Variants in PACS2 observed in about 807,000 individuals in gnomAD.
The protein encoded by PACS2 is phosphofurin acidic cluster sorting protein 2, also known as PACS1-like protein.
Under a neutral mutation model 113.0 loss-of-function variants are expected in PACS2, and 36 were observed. That is an observed-to-expected ratio of 0.32 (90% CI 0.24 to 0.42). The LOEUF is 0.42. Among genes scored for constraint, PACS2 ranks in the 10% least tolerant of loss-of-function variants. The pLI is 1.00. For synonymous variants in PACS2, 589 were observed against 536.1 expected (o/e 1.10, Z -1.36); for missense variants, 1,015 against 1,239.5 (o/e 0.82, Z 2.72).
intron 9 of PACS2, among the ~76,000 whole-genome samples, chr14:105,378,179 T>C (rs1555410933): frequency 6.6e-6 from 1 of 152,062 alleles, no homozygotes; most frequent in African/African-American, 2.4e-5. Flanking sequence ...GCTCACGTGA[T>C]TCCATAGGAG....
intron 4 of PACS2, among the ~76,000 whole-genome samples, chr14:105,360,781 A>C (rs777369691): frequency 1.2e-4 from 19 of 152,124 alleles, no homozygotes; most frequent in Admixed American, 3.9e-4. Context: ...GTTTGGTACC[A>C]TGTTACCCAC....
At position 105,322,598 on chromosome 14, in the gene PACS2, G is replaced by A. The variant is rs144605139; in HGVS notation, c.119+7561G>A. On this transcript the variant is annotated intron_variant, in intron 1 of 24. Transcript: ENST00000447393. Reference sequence around the variant, plus strand: ...TACATTTTAATGTGCATAGTTAATTGTATCTTTACTCTCCTGCTGAACTAT... The same window carrying A: ...TACATTTTAATGTGCATAGTTAATTATATCTTTACTCTCCTGCTGAACTAT... Among the ~76,000 whole-genome samples the A allele has an allele frequency of 7.8e-4, 119 of 152,318 alleles. 1 individual carries two copies. In the East Asian group the frequency reaches 0.015, roughly 20 times the overall value.
At chr14:105,303,807 T>C (rs765370179) in intron 1 of PACS2, among the ~76,000 whole-genome samples, 6 of 152,266 alleles carry the variant, frequency 3.9e-5, no homozygotes, top group Non-Finnish European at 7.3e-5. Flanking sequence ...TTGATCTCTA[T>C]GCAAAATGCT....
intron 19 of PACS2, among the ~76,000 whole-genome samples, chr14:105,386,114 G>A (rs587614818): frequency 2.6e-5 from 4 of 152,340 alleles, no homozygotes; most frequent in East Asian, 1.9e-4. Context: ...GCCCCTCCTC[G>A]TTTTAAACCA....
chr14:105,377,218 C>T (rs1248594223), intron 9 of PACS2, among the ~76,000 whole-genome samples: 2 of 152,152 alleles, frequency 1.3e-5, no homozygotes, highest in African/African-American at 4.8e-5. Flanking sequence ...CTGGGTGTGG[C>T]ACCCCGTTGT....
Position 105,348,445 on chromosome 14 carries a change from C to T in PACS2, c.120-48C>T. On this transcript the variant is annotated intron_variant, in intron 1 of 24. Transcript: ENST00000447393. The surrounding 1 kb of genome is among the most constrained non-coding windows in gnomAD (Gnocchi z 6.4). Reference sequence around the variant, plus strand: ...TGCTGGGACGGCACAGGGCCGCGTCCTGAGGAGAGGGCGGAGCCCCGAGGC... The same window carrying T: ...TGCTGGGACGGCACAGGGCCGCGTCTTGAGGAGAGGGCGGAGCCCCGAGGC... The T allele has an allele frequency of 6.9e-7, 1 of 1,454,344 alleles. No homozygotes were observed. The highest frequency in any genetic ancestry group is 9.6e-7 in the Non-Finnish European group (1 of 1,040,444). 90.1% of individuals were successfully genotyped at this position (1,454,344 alleles called of 1,614,324 possible). A position where few individuals can be genotyped will look rare whatever the true frequency, so the allele number is the denominator to read the frequency against.
At chr14:105,339,523 AAG>A (rs1491457410) in intron 1 of PACS2, among the ~76,000 whole-genome samples, 6 of 150,870 alleles carry the variant, frequency 4.0e-5, no homozygotes, top group Admixed American at 2.6e-4. Flanking sequence ...AAAAAAAAAA[AAG>A]GAAGAAAAAG....
intron 4 of PACS2, among the ~76,000 whole-genome samples, chr14:105,364,923 CCTG>C (rs587689472): frequency 1.2e-3 from 189 of 152,242 alleles, no homozygotes; most frequent in Non-Finnish European, 2.2e-3. Context: ...GTCTCAAACT[CCTG>C]AGCTCAAGCC....
chr14:105,339,074 G>A (rs1350295875), intron 1 of PACS2, among the ~76,000 whole-genome samples: 2 of 152,224 alleles, frequency 1.3e-5, no homozygotes, highest in Non-Finnish European at 2.9e-5. Context: ...CCCCTGCTTT[G>A]CAAGTTCCTG....
At chr14:105,390,036 C>T in intron 20 of PACS2, 33 bp downstream of exon 20, 1 of 1,596,706 alleles carries the variant, frequency 6.3e-7, no homozygotes. Flanking sequence ...TGATGGGAAA[C>T]CGCACACCTG....
intron 4 of PACS2, among the ~76,000 whole-genome samples, chr14:105,362,296 T>G (rs1183941947): frequency 4.4e-5 from 6 of 136,336 alleles, no homozygotes; most frequent in African/African-American, 8.5e-5. Context: ...CGGGCGCCTG[T>G]AGTCCCAGCT....
At chr14:105,369,189 G>C (rs2061058893) in intron 7 of PACS2, among the ~76,000 whole-genome samples, 2 of 152,262 alleles carry the variant, frequency 1.3e-5, no homozygotes, top group South Asian at 4.1e-4. Flanking sequence ...GCTGTGGGCA[G>C]ACGGTGCCAG....
chr14:105,327,346 C>T (rs1395674512), intron 1 of PACS2, among the ~76,000 whole-genome samples: 1 of 152,206 alleles, frequency 6.6e-6, no homozygotes, highest in Admixed American at 6.5e-5. Context: ...CTGCCTGCTG[C>T]GCTGACTGCC....
chr14:105,364,216 G>C (rs782468085), intron 4 of PACS2, among the ~76,000 whole-genome samples: 3 of 152,238 alleles, frequency 2.0e-5, no homozygotes, highest in Admixed American at 6.5e-5. Context: ...AGCCTTCACT[G>C]TAAAAAACAG....
At chr14:105,316,464 C>T (rs1276522194) in intron 1 of PACS2, among the ~76,000 whole-genome samples, 1 of 152,262 alleles carries the variant, frequency 6.6e-6, no homozygotes, top group African/African-American at 2.4e-5. Context: ...TCACCCACAG[C>T]CCCAGAACCT....
intron 19 of PACS2, among the ~76,000 whole-genome samples, chr14:105,388,329 G>C (rs1263105692): frequency 6.6e-6 from 1 of 152,244 alleles, no homozygotes; most frequent in Non-Finnish European, 1.5e-5. Flanking sequence ...CGCAGAGGCT[G>C]CCTCCTGGGA....
chr14:105,378,959 G>T (rs370108253), intron 9 of PACS2, among the ~76,000 whole-genome samples: 2 of 152,256 alleles, frequency 1.3e-5, no homozygotes, highest in East Asian at 3.9e-4. Context: ...GTCCGGAAAG[G>T]CATGGGTGGC....
At chr14:105,352,805 C>A (rs1171679333) in intron 3 of PACS2, among the ~76,000 whole-genome samples, 2 of 119,826 alleles carry the variant, frequency 1.7e-5, no homozygotes, top group African/African-American at 3.3e-5. Flanking sequence ...CCTGGGGAGA[C>A]GGGCCCCCCC....
rs587692267 is a variant in PACS2, at chr14:105,300,901, G to A, written c.-161G>A. On this transcript the variant is annotated 5_prime_UTR_variant, in exon 1 of 24. Transcript: ENST00000430725. ...CGACCTCCCCACTGCGAGCGAGCTG[G>A]CCTCCCTTGCGGCGCGCCGGCGTCG... is the stretch of plus-strand genomic sequence containing the variant. 2.8e-3 allele frequency: 458 copies of A among 161,528 alleles called. 1 individual carries two copies. Among genetic ancestry groups the A allele is most frequent in the African/African-American group, 0.01 (427 of 41,702 alleles). The allele number at this position is 161,528 out of a possible 1,614,324, so 10.0% of individuals were successfully genotyped here. A position where few individuals can be genotyped will look rare whatever the true frequency, so the allele number is the denominator to read the frequency against.
Sources: allele counts gnomAD v4.1 joint callset (sites outside exome capture counted in the v4.1 genomes callset), GRCh38; gene constraint gnomAD v4.1.1; non-coding constraint Gnocchi (gnomAD v3.1); transcripts MANE v1.5; gene names NCBI Gene and HGNC (gene_info 2026-07-23, HGNC 2026-07-21).